PIK3C3: variants seen among roughly 807,000 people sequenced by gnomAD.
PIK3C3 encodes phosphatidylinositol 3-kinase catalytic subunit type 3.
Under a neutral mutation model 126.1 loss-of-function variants are expected in PIK3C3, and 95 were observed. That is an observed-to-expected ratio of 0.75 (90% CI 0.64 to 0.89). The LOEUF (loss-of-function observed/expected upper bound fraction) is 0.89. PIK3C3 is among the 40% of genes least tolerant of loss of function. The pLI, the probability that PIK3C3 is intolerant of heterozygous loss-of-function variation, is 0.00. For missense variants in PIK3C3, 829 were observed against 1,063.2 expected, an observed-to-expected ratio of 0.78 and a Z score of 3.06; for synonymous variants, 374 against 360.0, an observed-to-expected ratio of 1.04 and a Z score of -0.44.
Position 41,995,388 on chromosome 18 carries a change from G to T in PIK3C3, c.787-502G>T, listed in dbSNP as rs77599019. 5.8e-4 allele frequency among the ~76,000 whole-genome samples: 88 copies of T among 152,198 alleles called. 1 individual carries two copies. The East Asian group carries it at 0.017, about 29-fold the overall frequency. On this transcript the variant is annotated intron_variant, in intron 7 of 24. Transcript: ENST00000262039. ...TCTTGTTTTAGGCAATGACAGTATG[G>T]TTAAAACTAATAATTTTGTCCATGG...
intron 22 of PIK3C3, among the ~76,000 whole-genome samples, chr18:42,061,166 C>A (rs960353105): frequency 6.6e-6 from 1 of 152,096 alleles, no homozygotes; most frequent in Non-Finnish European, 1.5e-5. Context: ...TTACATGCAA[C>A]CTGCTTCTTT....
intron 20 of PIK3C3, among the ~76,000 whole-genome samples, 188 bp downstream of exon 20, chr18:42,044,005 T>G (rs146617972): frequency 6.6e-6 from 1 of 152,250 alleles, no homozygotes; most frequent in Non-Finnish European, 1.5e-5. Context: ...GTGTAAATTC[T>G]ATTTAGTCTT....
intron 24 of PIK3C3, among the ~76,000 whole-genome samples, chr18:42,079,202 C>G (rs748571614): frequency 3.3e-4 from 50 of 152,306 alleles, no homozygotes; most frequent in Non-Finnish European, 6.5e-4. Flanking sequence ...TTCCCTTTCA[C>G]TTGATCACCT....
chr18:41,976,953 G>A (rs775253768), intron 4 of PIK3C3, among the ~76,000 whole-genome samples: 5 of 152,206 alleles, frequency 3.3e-5, no homozygotes, highest in Non-Finnish European at 7.3e-5. Context: ...TCCAAAATAA[G>A]TATCAGTGAC....
intron 16 of PIK3C3, among the ~76,000 whole-genome samples, chr18:42,036,124 A>G (rs886276732): frequency 1.3e-5 from 2 of 152,214 alleles, no homozygotes; most frequent in Admixed American, 1.3e-4. Flanking sequence ...AAATAAAAGG[A>G]TATTCCAAAT....
chr18:42,080,411 C>T (rs1986207063), intron 24 of PIK3C3, among the ~76,000 whole-genome samples: 1 of 151,976 alleles, frequency 6.6e-6, no homozygotes, highest in Non-Finnish European at 1.5e-5. Context: ...GTTTTGCCTT[C>T]ACTTTTTCTC....
chr18:41,966,261 C>G (rs1980362687), intron 3 of PIK3C3, among the ~76,000 whole-genome samples: 1 of 149,074 alleles, frequency 6.7e-6, no homozygotes, highest in African/African-American at 2.5e-5. Context: ...CCTCCGCCTC[C>G]TGGGTTCAAG....
intron 4 of PIK3C3, among the ~76,000 whole-genome samples, chr18:41,974,147 C>A (rs1010807376): frequency 2.2e-4 from 33 of 152,150 alleles, no homozygotes; most frequent in Non-Finnish European, 4.0e-4. Flanking sequence ...GACAAGAGGA[C>A]TGTGAAATGA....
intron 4 of PIK3C3, among the ~76,000 whole-genome samples, chr18:41,972,296 A>G (rs904875606): frequency 6.6e-6 from 1 of 152,106 alleles, no homozygotes; most frequent in African/African-American, 2.4e-5. Flanking sequence ...AATGAGGTGT[A>G]GGAAAGAAGC....
At chr18:41,975,827 G>T (rs764400090) in intron 4 of PIK3C3, among the ~76,000 whole-genome samples, 26 of 151,848 alleles carry the variant, frequency 1.7e-4, no homozygotes, top group Non-Finnish European at 3.5e-4. Context: ...AGCCTCCCAG[G>T]TAGCTGTGAC....
chr18:42,015,419 G>A (rs146168684), intron 11 of PIK3C3, 57 bp from the exon 12 acceptor site: 8 of 1,336,516 alleles, frequency 6.0e-6, no homozygotes, highest in African/African-American at 1.4e-5. Context: ...AAAATTGTGC[G>A]TTCTCTTATG....
In PIK3C3 at chr18:41,981,983, C is replaced by CA. The variant is rs374935925; in HGVS notation, c.532-5818dup. On this transcript the variant is annotated intron_variant, in intron 4 of 24. Transcript: ENST00000262039. ...TAGGCAACAGAGTGAGACCCTGTCT[C>CA]AAAAAAAAAAAGGTACTGCATAGTT... 6.2e-3 allele frequency among the ~76,000 whole-genome samples: 860 copies of CA among 139,202 alleles called. 4 individuals carry two copies. The highest frequency in any genetic ancestry group is 0.019 in the South Asian group (83 of 4,356). The allele number at this position is 139,202 out of a possible 152,430, so 91.3% of individuals were successfully genotyped here.
intron 13 of PIK3C3, chr18:42,026,236 A>G (rs568485339): frequency 7.9e-5 from 12 of 152,340 alleles, no homozygotes; most frequent in African/African-American, 2.9e-4. Flanking sequence ...TTCACTATTG[A>G]TGAAGCAAGC....
In PIK3C3 at chr18:41,987,827, C is replaced by T. The variant is rs751754985; in HGVS notation, c.547C>T (p.Arg183Ter). 23 of 1,605,762 alleles carry T rather than the reference C, an allele frequency of 1.4e-5. No homozygotes were observed. The highest frequency in any genetic ancestry group is 4.0e-5 in the African/African-American group (3 of 74,568). ...SRLAKLTKAH[R>*]QGHMVKVDWL... ...TATTCTGCAGCTCACCAAAGCTCAT[C>T]GACAAGGACACATGGTGAAAGTAGA... is the stretch of plus-strand genomic sequence containing the variant. Residue 183 changes from arginine (R) to a stop codon, truncating the protein, a stop_gained, in exon 5 of 25, where the codon CGA (arginine) becomes TGA (stop). Coordinates refer to ENST00000262039, the MANE Select transcript of PIK3C3 (RefSeq NM_002647.4). LOFTEE classifies it high-confidence loss of function.
chr18:42,034,012 T>A (rs918322504), intron 16 of PIK3C3, 55 bp downstream of exon 16: 4 of 1,244,644 alleles, frequency 3.2e-6, no homozygotes, highest in East Asian at 5.2e-5. Flanking sequence ...TTAAGCTAGA[T>A]CAGAGATACT....
At chr18:42,026,810 A>G (rs144514340) in intron 13 of PIK3C3, 92 of 152,338 alleles carry the variant, frequency 6.0e-4, no homozygotes, top group African/African-American at 2.1e-3. Context: ...AGTCTTATTC[A>G]GATCATTGCT....
intron 3 of PIK3C3, 109 bp from the exon 4 acceptor site, chr18:41,970,218 G>A: frequency 1.1e-6 from 1 of 874,654 alleles, no homozygotes; most frequent in Non-Finnish European, 1.8e-6. Context: ...CTTGGCAGTG[G>A]AGATATACAT....
chr18:41,968,774 T>A (rs1236058229), intron 3 of PIK3C3, among the ~76,000 whole-genome samples: 1 of 152,084 alleles, frequency 6.6e-6, no homozygotes, highest in African/African-American at 2.4e-5. Flanking sequence ...TTTGAAAAAA[T>A]TTATGTAAAC....
At chr18:41,985,591 A>G (rs1435998863) in intron 4 of PIK3C3, among the ~76,000 whole-genome samples, 4 of 152,156 alleles carry the variant, frequency 2.6e-5, no homozygotes, top group Admixed American at 6.6e-5. Flanking sequence ...TTTACTTAAC[A>G]GTTCTCACTA....
Sources: gnomAD v4.1 joint callset for allele counts (sites outside exome capture counted in the v4.1 genomes callset) on GRCh38, gnomAD v4.1.1 for gene constraint, MANE v1.5 for transcripts, NCBI Gene and HGNC (gene_info 2026-07-23, HGNC 2026-07-21) for gene names.